UMAD1: variants seen among roughly 807,000 people sequenced by gnomAD.
UMAD1 encodes the protein UBAP1-MVB12-associated (UMA)-domain containing protein 1.
A neutral mutation model predicts 6.1 loss-of-function variants in UMAD1; 8 were observed. The ratio of observed to expected loss-of-function variants is 1.30; its 90% confidence interval spans 0.76 to 2.35. The LOEUF (loss-of-function observed/expected upper bound fraction) is 2.35, where lower values mean the gene tolerates loss of function less well. Among genes scored for constraint, UMAD1 ranks in the 30% most tolerant of loss-of-function variants. UMAD1 has a pLI of 0.00. For missense variants in UMAD1, 130 were observed against 78.4 expected (o/e 1.66, Z -2.49); for synonymous variants, 56 against 31.4 (o/e 1.78, Z -2.61).
chr7:7,871,478 CTT>C (rs1356313472), intron 3 of UMAD1, among the ~76,000 whole-genome samples: 1 of 152,188 alleles, frequency 6.6e-6, no homozygotes, highest in Non-Finnish European at 1.5e-5. Flanking sequence ...TCAGTTTCCT[CTT>C]GTCTTTAATA....
chr7:7,739,062 A>G (rs949322815), intron 2 of UMAD1: 6 of 152,282 alleles, frequency 3.9e-5, no homozygotes, highest in African/African-American at 1.2e-4. Flanking sequence ...TTCAGGCACA[A>G]AATCTGGACA....
At chr7:7,687,413 C>G (rs949854889) in intron 2 of UMAD1, 1 of 152,256 alleles carries the variant, frequency 6.6e-6, no homozygotes, top group Non-Finnish European at 1.5e-5. Flanking sequence ...GAGAATGATT[C>G]TGAGGTAGCA....
chr7:7,849,700 A>T (rs960438866), intron 3 of UMAD1, among the ~76,000 whole-genome samples: 2 of 152,178 alleles, frequency 1.3e-5, no homozygotes, highest in African/African-American at 2.4e-5. Flanking sequence ...CAGACCAAAA[A>T]CTAAACTAAA....
chr7:7,791,361 C>T (rs1256816062), intron 2 of UMAD1, among the ~76,000 whole-genome samples: 1 of 152,128 alleles, frequency 6.6e-6, no homozygotes, highest in Non-Finnish European at 1.5e-5. Context: ...GGGATTCAGG[C>T]TGAGGAATGG....
intron 2 of UMAD1, among the ~76,000 whole-genome samples, chr7:7,733,685 AT>A (rs1781297168): frequency 6.6e-6 from 1 of 150,462 alleles, no homozygotes; most frequent in South Asian, 2.1e-4. Flanking sequence ...CCAAAATATT[AT>A]TTTCAGCTCT....
chr7:7,804,497 A>T (rs1782867524), intron 3 of UMAD1, among the ~76,000 whole-genome samples: 1 of 152,102 alleles, frequency 6.6e-6, no homozygotes, highest in East Asian at 1.9e-4. Flanking sequence ...ACATGATGAA[A>T]CCCCATCTCT....
intron 3 of UMAD1, among the ~76,000 whole-genome samples, chr7:7,837,683 G>A (rs6969818): frequency 0.49 from 73,975 of 151,570 alleles, 18,267 homozygotes; most frequent in East Asian, 0.57. Flanking sequence ...AAAAGAAAGG[G>A]AGACGAAGCA....
intron 1 of UMAD1, among the ~76,000 whole-genome samples, chr7:7,664,994 GA>G (rs943364571): frequency 7.1e-6 from 1 of 140,868 alleles, no homozygotes; most frequent in East Asian, 2.0e-4. Flanking sequence ...GTGTGTGGGT[GA>G]TATATAGATA....
chr7:7,869,080 C>CT (rs575553729), intron 3 of UMAD1, among the ~76,000 whole-genome samples: 336 of 152,288 alleles, frequency 2.2e-3, no homozygotes, highest in Non-Finnish European at 4.1e-3. Flanking sequence ...AACTCTCAGG[C>CT]ATTTAATAGC....
At chr7:7,807,701 C>G (rs1782945923) in intron 3 of UMAD1, among the ~76,000 whole-genome samples, 2 of 152,032 alleles carry the variant, frequency 1.3e-5, no homozygotes, top group African/African-American at 4.8e-5. Context: ...GAATGATTGT[C>G]TATGGAAAAC....
At chr7:7,656,823 T>C (rs1785355283) in intron 1 of UMAD1, among the ~76,000 whole-genome samples, 2 of 152,234 alleles carry the variant, frequency 1.3e-5, no homozygotes, top group African/African-American at 4.8e-5. Context: ...CCTTTGGGTA[T>C]ATACCCAGTA....
chr7:7,805,490 C>T (rs1168266472), intron 3 of UMAD1, among the ~76,000 whole-genome samples: 1 of 152,134 alleles, frequency 6.6e-6, no homozygotes, highest in African/African-American at 2.4e-5. Context: ...GTCTAAGCCA[C>T]CCCTTTTACT....
intron 3 of UMAD1, among the ~76,000 whole-genome samples, chr7:7,824,822 T>G (rs1783309365): frequency 6.6e-6 from 1 of 152,186 alleles, no homozygotes; most frequent in African/African-American, 2.4e-5. Context: ...ACTGGTCCTG[T>G]GTATTAGCCG....
At chr7:7,670,440 G>A (rs1331827049) in intron 1 of UMAD1, among the ~76,000 whole-genome samples, 2 of 152,172 alleles carry the variant, frequency 1.3e-5, no homozygotes, top group African/African-American at 2.4e-5. Flanking sequence ...ACTCCAGGGA[G>A]GGAAGAGAAA....
chr7:7,709,509 G>T (rs1272657887), intron 2 of UMAD1, among the ~76,000 whole-genome samples: 7 of 152,220 alleles, frequency 4.6e-5, no homozygotes, highest in Admixed American at 4.6e-4. Context: ...GAAGGTGAAT[G>T]ACTGGGGGAC....
intron 3 of UMAD1, among the ~76,000 whole-genome samples, chr7:7,854,744 C>T (rs1257916379): frequency 6.6e-6 from 1 of 152,164 alleles, no homozygotes; most frequent in African/African-American, 2.4e-5. Context: ...TCATATCCTC[C>T]CAACAGTCCC....
intron 2 of UMAD1, among the ~76,000 whole-genome samples, chr7:7,777,038 G>A (rs576488213): frequency 4.6e-5 from 7 of 152,118 alleles, no homozygotes; most frequent in African/African-American, 9.6e-5. Flanking sequence ...ATACCAACTC[G>A]TTTTGCGCCA....
At chr7:7,700,842 T>C (rs1044803639) in intron 2 of UMAD1, among the ~76,000 whole-genome samples, 2 of 151,772 alleles carry the variant, frequency 1.3e-5, no homozygotes, top group Admixed American at 1.3e-4. Context: ...GAGCTGAGAA[T>C]GTGCCACTGA....
At chr7:7,828,160 T>G (rs1421354507) in intron 3 of UMAD1, among the ~76,000 whole-genome samples, 1 of 152,230 alleles carries the variant, frequency 6.6e-6, no homozygotes, top group Non-Finnish European at 1.5e-5. Flanking sequence ...AGAATTCATT[T>G]GAATTTACAA....
Sources: allele counts gnomAD v4.1 joint callset (sites outside exome capture counted in the v4.1 genomes callset), GRCh38; gene constraint gnomAD v4.1.1; transcripts MANE v1.5; gene names NCBI Gene and HGNC (gene_info 2026-07-23, HGNC 2026-07-21).